SH3PXD2A: variants seen among roughly 807,000 people sequenced by gnomAD.
The protein encoded by SH3PXD2A is SH3 and PX domain-containing protein 2A.
SH3PXD2A carries 32 observed loss-of-function variants against 115.2 expected under a neutral mutation model. That is an observed-to-expected ratio of 0.28 (90% CI 0.21 to 0.37). SH3PXD2A has a LOEUF of 0.37. Among genes scored for constraint, SH3PXD2A ranks in the 10% least tolerant of loss-of-function variants. The pLI is 1.00. For missense variants in SH3PXD2A, 1,328 were observed against 1,498.7 expected (o/e 0.89, Z 1.88); for synonymous variants, 610 against 629.1 (o/e 0.97, Z 0.45).
At chr10:103,802,380 A>T (rs1464817374) in intron 1 of SH3PXD2A, among the ~76,000 whole-genome samples, 1 of 152,210 alleles carries the variant, frequency 6.6e-6, no homozygotes, top group East Asian at 1.9e-4. Flanking sequence ...GACTGGAAAA[A>T]CTTTTCTCTT....
At chr10:103,751,421 G>A (rs1201067820) in intron 3 of SH3PXD2A, among the ~76,000 whole-genome samples, 1 of 152,154 alleles carries the variant, frequency 6.6e-6, no homozygotes, top group Non-Finnish European at 1.5e-5. Context: ...CTTCACAACA[G>A]CCCAACAATA....
chr10:103,734,371 T>G (rs1263378454), intron 4 of SH3PXD2A, among the ~76,000 whole-genome samples: 4 of 152,222 alleles, frequency 2.6e-5, no homozygotes, highest in Non-Finnish European at 5.9e-5. Flanking sequence ...GTTTGCTTTA[T>G]TTGCTTGTTT....
intron 1 of SH3PXD2A, among the ~76,000 whole-genome samples, chr10:103,840,537 TA>T (rs2039587077): frequency 6.6e-6 from 1 of 152,212 alleles, no homozygotes; most frequent in African/African-American, 2.4e-5. Flanking sequence ...GTCCTGAACG[TA>T]AGGTCTACAG....
chr10:103,628,080 G>A (rs2036725275), intron 8 of SH3PXD2A, among the ~76,000 whole-genome samples: 1 of 152,220 alleles, frequency 6.6e-6, no homozygotes, highest in Non-Finnish European at 1.5e-5. Flanking sequence ...GCCGCCCAAG[G>A]ATCTAGAAGG....
chr10:103,632,424 G>A (rs1201545249), intron 8 of SH3PXD2A, among the ~76,000 whole-genome samples: 2 of 152,156 alleles, frequency 1.3e-5, no homozygotes, highest in East Asian at 1.9e-4. Flanking sequence ...CACAATTGAC[G>A]TCTGAGCTGC....
chr10:103,719,214 C>T (rs868195187), intron 5 of SH3PXD2A, among the ~76,000 whole-genome samples: 17 of 152,234 alleles, frequency 1.1e-4, no homozygotes, highest in South Asian at 2.1e-4. Flanking sequence ...GGGCTGAGGC[C>T]GGTACCCACC....
chr10:103,708,431 C>T (rs954565436), intron 5 of SH3PXD2A, among the ~76,000 whole-genome samples: 2 of 152,100 alleles, frequency 1.3e-5, no homozygotes, highest in African/African-American at 4.8e-5. Flanking sequence ...CACCAGGAAA[C>T]CCCAGGCAGT....
intron 2 of SH3PXD2A, among the ~76,000 whole-genome samples, chr10:103,801,049 C>T (rs938081788): frequency 1.3e-5 from 2 of 152,136 alleles, no homozygotes; most frequent in Admixed American, 6.5e-5. Context: ...GGTGACAAAG[C>T]GTTACTGTTA....
chr10:103,814,288 T>C (rs2134281240), intron 1 of SH3PXD2A, among the ~76,000 whole-genome samples: 1 of 152,294 alleles, frequency 6.6e-6, no homozygotes, highest in South Asian at 2.1e-4. Context: ...CATCAGCGAC[T>C]AAGGGGTCAG....
chr10:103,744,627 A>G (rs1254099835), intron 3 of SH3PXD2A, among the ~76,000 whole-genome samples: 1 of 152,114 alleles, frequency 6.6e-6, no homozygotes, highest in African/African-American at 2.4e-5. Context: ...ACACCCTGAC[A>G]CCCAATCCTT....
intron 1 of SH3PXD2A, among the ~76,000 whole-genome samples, chr10:103,806,363 T>A (rs1389134624): frequency 6.7e-6 from 1 of 149,560 alleles, no homozygotes; most frequent in Admixed American, 6.9e-5. Context: ...TCCAGGCGGG[T>A]GATGGACACA....
chr10:103,684,828 A>G (rs778707744), intron 6 of SH3PXD2A, among the ~76,000 whole-genome samples: 8 of 151,604 alleles, frequency 5.3e-5, no homozygotes, highest in Non-Finnish European at 1.0e-4. Context: ...TAGGAGTTCA[A>G]GACCACCCTG....
At chr10:103,745,747 G>A (rs779698558) in intron 3 of SH3PXD2A, among the ~76,000 whole-genome samples, 1 of 152,044 alleles carries the variant, frequency 6.6e-6, no homozygotes, top group African/African-American at 2.4e-5. Flanking sequence ...CTCAGCCTGC[G>A]GCTGCCCTTC....
chr10:103,627,039 G>A lies in SH3PXD2A; in HGVS notation c.718+50C>T. 1.0e-6 allele frequency: 1 copy of A among 985,070 alleles called. No individual in the cohort carries two copies. The highest frequency in any genetic ancestry group is 1.6e-6 in the Non-Finnish European group (1 of 609,288). 61.0% of individuals were successfully genotyped at this position (985,070 alleles called of 1,614,324 possible). ...GTTCTAGGGAAAGAGTGAGAGAGCT[G>A]CCTCCAGAGGCCGCGTTGCTCCCTG... On this transcript the variant is annotated intron_variant, in intron 9 of 14. Coordinates refer to ENST00000369774, the MANE Select transcript of SH3PXD2A (RefSeq NM_001394015.1). This position sits in a 1 kb window ranked among gnomAD's most constrained non-coding sequence, Gnocchi z 4.4.
At chr10:103,606,183 C>T (rs1215395150) in intron 13 of SH3PXD2A, among the ~76,000 whole-genome samples, 1 of 124,060 alleles carries the variant, frequency 8.1e-6, no homozygotes, top group African/African-American at 4.2e-5. Context: ...TTACTATCAT[C>T]ATCATCATCA....
chr10:103,711,439 C>T (rs1424302160), intron 5 of SH3PXD2A, among the ~76,000 whole-genome samples: 1 of 152,186 alleles, frequency 6.6e-6, no homozygotes, highest in Non-Finnish European at 1.5e-5. Flanking sequence ...AGTGAACACC[C>T]AGCTGGGCCA....
chr10:103,807,972 G>A (rs150429654), intron 1 of SH3PXD2A, among the ~76,000 whole-genome samples: 361 of 152,278 alleles, frequency 2.4e-3, no homozygotes, highest in South Asian at 4.3e-3. Flanking sequence ...CTGCCAGCCC[G>A]TCTAAGGTAC....
chr10:103,772,344 C>T (rs1449862212), intron 2 of SH3PXD2A, among the ~76,000 whole-genome samples: 1 of 152,228 alleles, frequency 6.6e-6, no homozygotes, highest in Non-Finnish European at 1.5e-5. Flanking sequence ...TGCTGCCCCG[C>T]CCTCTGGGAG....
intron 1 of SH3PXD2A, among the ~76,000 whole-genome samples, chr10:103,808,304 T>A (rs1362535685): frequency 6.7e-6 from 1 of 150,222 alleles, no homozygotes; most frequent in Admixed American, 6.7e-5. Context: ...CGGGGTGGAG[T>A]GCAGTGGCGT....
Sources: allele counts gnomAD v4.1 joint callset (sites outside exome capture counted in the v4.1 genomes callset), GRCh38; gene constraint gnomAD v4.1.1; non-coding constraint Gnocchi (gnomAD v3.1); transcripts MANE v1.5; gene names NCBI Gene and HGNC (gene_info 2026-07-23, HGNC 2026-07-21).